PROX1: variants seen among roughly 807,000 people sequenced by gnomAD.
PROX1 encodes prospero homeobox protein 1.
Under a neutral mutation model 58.8 loss-of-function variants are expected in PROX1, and 7 were observed. That is an observed-to-expected ratio of 0.12 (90% CI 0.07 to 0.22). The LOEUF is 0.22. PROX1 is among the 10% of genes least tolerant of loss of function. The pLI is 1.00. For missense variants in PROX1, 675 were observed against 927.8 expected, an observed-to-expected ratio of 0.73 and a Z score of 3.54; for synonymous variants, 350 against 358.3, an observed-to-expected ratio of 0.98 and a Z score of 0.26.
In PROX1 at chr1:214,036,169, C is replaced by CTTGA. The variant is rs1197737121; in HGVS notation, c.*341_*344dup. 5.8e-6 allele frequency: 1 copy of CTTGA among 172,060 alleles called. No homozygotes were observed. Among genetic ancestry groups the CTTGA allele is most frequent in the Non-Finnish European group, 1.2e-5 (1 of 81,292 alleles). The allele number at this position is 172,060 out of a possible 1,614,324, so 10.7% of individuals were successfully genotyped here. ...AGGGAATTTGTTAACGATGCATCCA[C>CTTGA]TTGATTGATGACTTATTGCAAATGG... On this transcript the variant is annotated 3_prime_UTR_variant, in exon 5 of 5. Transcript: ENST00000366958.
chr1:214,015,410 G>A (rs1261382757), intron 4 of PROX1, among the ~76,000 whole-genome samples: 1 of 152,046 alleles, frequency 6.6e-6, no homozygotes, highest in Admixed American at 6.5e-5. Flanking sequence ...ACTTCACTTT[G>A]AAGGGCTTCC....
At chr1:214,026,699 G>T (rs898776352) in intron 4 of PROX1, among the ~76,000 whole-genome samples, 1 of 152,112 alleles carries the variant, frequency 6.6e-6, no homozygotes, top group Non-Finnish European at 1.5e-5. Flanking sequence ...AAAAGACAAA[G>T]ACTCAAATTC....
intron 4 of PROX1, among the ~76,000 whole-genome samples, chr1:214,027,756 G>A (rs983073138): frequency 2.6e-5 from 4 of 152,024 alleles, no homozygotes; most frequent in Middle Eastern, 3.2e-3. Context: ...AGTTTATCTT[G>A]CAATATGGCT....
At chr1:214,034,648 G>C (rs1664770866) in intron 4 of PROX1, among the ~76,000 whole-genome samples, 1 of 151,942 alleles carries the variant, frequency 6.6e-6, no homozygotes, top group Non-Finnish European at 1.5e-5. Context: ...CCTTAGTCAA[G>C]AGATCAGATT....
chr1:214,025,781 C>T (rs1234376251), intron 4 of PROX1, among the ~76,000 whole-genome samples: 1 of 152,022 alleles, frequency 6.6e-6, no homozygotes, highest in East Asian at 1.9e-4. Flanking sequence ...TCTGCCTCAG[C>T]CTCCTGAATA....
chr1:214,011,169 T>C (rs1014098750), intron 3 of PROX1, among the ~76,000 whole-genome samples: 5 of 152,164 alleles, frequency 3.3e-5, no homozygotes, highest in African/African-American at 9.7e-5. Context: ...CAGGATTCTA[T>C]GGCTTCAATG....
chr1:213,991,226 C>G (rs757474591), intron 1 of PROX1, among the ~76,000 whole-genome samples: 1 of 152,192 alleles, frequency 6.6e-6, no homozygotes, highest in Non-Finnish European at 1.5e-5. Context: ...AGCACTATAT[C>G]TGGCTTCTTA....
intron 3 of PROX1, among the ~76,000 whole-genome samples, chr1:214,008,485 T>C (rs1663798908): frequency 6.6e-6 from 1 of 151,842 alleles, no homozygotes; most frequent in Non-Finnish European, 1.5e-5. Flanking sequence ...GAATATGGTA[T>C]AACGTAATGG....
intron 3 of PROX1, among the ~76,000 whole-genome samples, chr1:214,010,270 GC>G (rs1301824794): frequency 1.3e-5 from 2 of 152,154 alleles, no homozygotes; most frequent in Non-Finnish European, 2.9e-5. Context: ...ATGCAAGTTG[GC>G]CTTTTGGGAG....
At chr1:214,030,877 G>C (rs1664625029) in intron 4 of PROX1, 2 of 152,430 alleles carry the variant, frequency 1.3e-5, no homozygotes, top group South Asian at 4.1e-4. Context: ...CTTTTATTAT[G>C]TACTGCAGAG....
chr1:214,005,710 G>A (rs781681526), intron 3 of PROX1, among the ~76,000 whole-genome samples: 8 of 152,162 alleles, frequency 5.3e-5, no homozygotes, highest in Admixed American at 1.3e-4. Flanking sequence ...GAAAAGGAGC[G>A]TACATTGAAA....
intron 4 of PROX1, among the ~76,000 whole-genome samples, chr1:214,032,551 A>G (rs1018653780): frequency 1.3e-5 from 2 of 151,958 alleles, no homozygotes; most frequent in Non-Finnish European, 1.5e-5. Context: ...GTGCCACCAC[A>G]CCCAGCTAAT....
chr1:213,991,445 A>G (rs1022049214), intron 1 of PROX1, among the ~76,000 whole-genome samples: 3 of 152,124 alleles, frequency 2.0e-5, no homozygotes, highest in Admixed American at 1.3e-4. Context: ...CACACACCCA[A>G]TACTTTCCTT....
intron 4 of PROX1, among the ~76,000 whole-genome samples, chr1:214,017,699 T>C (rs1354569369): frequency 6.6e-6 from 1 of 152,074 alleles, no homozygotes; most frequent in Admixed American, 6.5e-5. Context: ...CCCCCACAAA[T>C]GATCTATTGG....
At position 214,040,946 on chromosome 1, in the gene PROX1, A is replaced by C. The variant is rs1664990234; in HGVS notation, c.*5112A>C. Reference sequence around the variant, plus strand: ...ATAAACACAATGAGACTCCCTGTCCATATTAAAAAGAAAATAAAAAGGTGC... The same window carrying C: ...ATAAACACAATGAGACTCCCTGTCCCTATTAAAAAGAAAATAAAAAGGTGC... On this transcript the variant is annotated 3_prime_UTR_variant, in exon 5 of 5. Transcript: ENST00000366958. The C allele has an allele frequency of 1.3e-5, 2 of 152,126 alleles. No homozygotes were observed. The highest frequency in any genetic ancestry group is 2.9e-5 in the Non-Finnish European group (2 of 67,988). 9.4% of individuals were successfully genotyped at this position (152,126 alleles called of 1,614,324 possible).
intron 4 of PROX1, chr1:214,028,834 A>C (rs1664546602): frequency 6.6e-6 from 1 of 152,288 alleles, no homozygotes; most frequent in South Asian, 2.1e-4. Flanking sequence ...ATGACTGCAA[A>C]GGGAGACCCT....
intron 4 of PROX1, among the ~76,000 whole-genome samples, chr1:214,034,035 A>G (rs1025840113): frequency 9.8e-5 from 15 of 152,338 alleles, no homozygotes; most frequent in Admixed American, 5.9e-4. Context: ...GGCCAGTGTG[A>G]AAGTCTTTAG....
chr1:214,005,019 G>T, intron 2 of PROX1, 146 bp from the exon 3 acceptor site: 1 of 542,442 alleles, frequency 1.8e-6, no homozygotes. Flanking sequence ...GTTAGCAATG[G>T]ATGCCATAGC....
intron 2 of PROX1, among the ~76,000 whole-genome samples, chr1:214,001,703 A>G (rs528218103): frequency 6.6e-6 from 1 of 152,332 alleles, no homozygotes; most frequent in East Asian, 1.9e-4. Flanking sequence ...AATTTCTGAA[A>G]TTTGAAACCA....
Sources: gnomAD v4.1 joint callset for allele counts (sites outside exome capture counted in the v4.1 genomes callset) on GRCh38, gnomAD v4.1.1 for gene constraint, MANE v1.5 for transcripts, NCBI Gene and HGNC (gene_info 2026-07-23, HGNC 2026-07-21) for gene names.